Variants in FBXO38 observed in about 807,000 individuals in gnomAD.
FBXO38 encodes F-box only protein 38.
A neutral mutation model predicts 131.9 loss-of-function variants in FBXO38; 53 were observed. That is an observed-to-expected ratio of 0.40 (90% CI 0.32 to 0.51). The LOEUF (loss-of-function observed/expected upper bound fraction) is 0.51, where lower values mean the gene tolerates loss of function less well. Ranked by LOEUF, FBXO38 falls within the 20% of genes least tolerant of loss-of-function variation. FBXO38 has a pLI of 0.53. For missense variants in FBXO38, 1,076 were observed against 1,475.6 expected, an observed-to-expected ratio of 0.73 and a Z score of 4.44; for synonymous variants, 452 against 505.6, an observed-to-expected ratio of 0.89 and a Z score of 1.42.
chr5:148,434,112 T>C (rs1299802387), intron 17 of FBXO38: 1 of 158,612 alleles, frequency 6.3e-6, no homozygotes, highest in Non-Finnish European at 1.4e-5. Flanking sequence ...GGGCCTCAAG[T>C]GTATAACTGC....
At chr5:148,399,994 GA>G (rs1752051762) in intron 3 of FBXO38, among the ~76,000 whole-genome samples, 1 of 151,864 alleles carries the variant, frequency 6.6e-6, no homozygotes, top group Non-Finnish European at 1.5e-5. Context: ...CTGTTCTATA[GA>G]ACAGAACAGA....
chr5:148,437,053 C>G (rs1003715843), intron 17 of FBXO38, among the ~76,000 whole-genome samples: 2 of 152,234 alleles, frequency 1.3e-5, no homozygotes, highest in African/African-American at 2.4e-5. Context: ...CGTTCCATTC[C>G]TTTCTCTACT....
In FBXO38 at chr5:148,442,153, C is replaced by T. The variant is rs1437320143; in HGVS notation, c.*6C>T. On this transcript the variant is annotated 3_prime_UTR_variant, in exon 22 of 22. Transcript: ENST00000340253. ...TTGAAGATGACTACATTTAATTGGT[C>T]CCTCCTCCTTTCCAGCTATTTTGTC... is the stretch of plus-strand genomic sequence containing the variant. 1 of 1,611,942 alleles carries T rather than the reference C, an allele frequency of 6.2e-7. No individual in the cohort carries two copies. The highest frequency in any genetic ancestry group is 1.1e-5 in the South Asian group (1 of 90,824).
chr5:148,433,541 C>T lies in FBXO38; in HGVS notation c.2754+17C>T. 6.3e-7 allele frequency: 1 copy of T among 1,589,600 alleles called. No individual in the cohort carries two copies. Among genetic ancestry groups the T allele is most frequent in the South Asian group, 1.1e-5 (1 of 89,908 alleles). ...CATGTGCAGGTAGAGAAAAAACCCT[C>T]ACTTACCTTTATCACAGTCTAGCCC... On this transcript the variant is annotated intron_variant, in intron 16 of 21. Transcript: ENST00000340253.
At chr5:148,408,967 AT>A (rs2113557436) in intron 7 of FBXO38, among the ~76,000 whole-genome samples, 156 bp from the exon 8 acceptor site, 1 of 152,338 alleles carries the variant, frequency 6.6e-6, no homozygotes, top group African/African-American at 2.4e-5. Context: ...AGTAGTTATA[AT>A]TCATCTTAAG....
intron 1 of FBXO38, among the ~76,000 whole-genome samples, chr5:148,386,525 C>T (rs1329789295): frequency 2.0e-5 from 3 of 151,984 alleles, no homozygotes; most frequent in Non-Finnish European, 2.9e-5. Flanking sequence ...GGGTTTGTGA[C>T]CCACAAAAAA....
Position 148,394,786 on chromosome 5 carries a change from C to A in FBXO38, c.10C>A (p.Arg4=). The change falls in exon 2 of 22, where the codon CGA becomes AGA. Residue 4 remains arginine (R), a synonymous_variant. Coordinates refer to ENST00000340253, the MANE Select transcript of FBXO38 (RefSeq NM_205836.3). The stretch of plus-strand genomic sequence containing the variant: ...TGGAGACTGCACAACAATGGGGCCA[C>A]GAAAGAAAAGTGTGAAAACATGTAT... MGP[R]KKSVKTCIMN... is the part of the protein sequence containing the mutation. The A allele has an allele frequency of 1.9e-6, 3 of 1,568,342 alleles. No homozygotes were observed. Among genetic ancestry groups the A allele is most frequent in the East Asian group, 2.4e-5 (1 of 41,938 alleles).
At chr5:148,414,701 A>C (rs1752954935) in intron 10 of FBXO38, among the ~76,000 whole-genome samples, 1 of 152,158 alleles carries the variant, frequency 6.6e-6, no homozygotes, top group Non-Finnish European at 1.5e-5. Context: ...GTTGAACTTT[A>C]ATTAAGTGAC....
chr5:148,415,103 A>C (rs1354406514), intron 10 of FBXO38, among the ~76,000 whole-genome samples: 1 of 152,196 alleles, frequency 6.6e-6, no homozygotes, highest in African/African-American at 2.4e-5. Flanking sequence ...ATGTGCCAGC[A>C]GCAGTTAAAT....
chr5:148,406,415 C>A, intron 7 of FBXO38, 21 bp downstream of exon 7: 1 of 1,514,068 alleles, frequency 6.6e-7, no homozygotes, highest in Non-Finnish European at 8.9e-7. Context: ...TCTTTAATTA[C>A]TAAATATTTT....
At position 148,402,431 on chromosome 5, in the gene FBXO38, T is replaced by C. The variant is rs760368532; in HGVS notation, c.510T>C (p.Asn170=). The C allele has an allele frequency of 4.7e-5, 76 of 1,613,316 alleles. No homozygotes were observed. In the South Asian group the frequency reaches 8.1e-4, roughly 17 times the overall value. The change falls in exon 5 of 22, where the codon AAT becomes AAC. Residue 170 remains asparagine (N), a synonymous_variant. Coordinates refer to ENST00000340253, the MANE Select transcript of FBXO38 (RefSeq NM_205836.3). The part of the protein sequence containing the change: ...PHVHILGKFR[N]RNGAFPIPPE... ...TTCATATTTTGGGGAAATTTCGTAA[T>C]CGTAATGGAGCTTTTCCAATTCCTC...
intron 12 of FBXO38, 122 bp from the exon 13 acceptor site, chr5:148,423,876 C>A: frequency 3.8e-6 from 3 of 784,684 alleles, no homozygotes; most frequent in Non-Finnish European, 6.0e-6. Flanking sequence ...ATATGCTGTT[C>A]TTTCAGGGCA....
chr5:148,438,196 A>T lies in FBXO38; in HGVS notation c.2858-136A>T, dbSNP rs1754461204. On this transcript the variant is annotated intron_variant, in intron 17 of 21. Coordinates refer to ENST00000340253, the MANE Select transcript of FBXO38 (RefSeq NM_205836.3). ...ACCACATTTTCAAATTTTTTTGTTAACTGTGATTTGTACTCTATGATATTA... is the reference window on the plus strand; with the variant it reads ...ACCACATTTTCAAATTTTTTTGTTATCTGTGATTTGTACTCTATGATATTA... The T allele has an allele frequency of 4.4e-6, 3 of 688,856 alleles. No homozygotes were observed. The African/African-American group carries it at 5.6e-5, about 13-fold the overall frequency. 42.7% of individuals were successfully genotyped at this position (688,856 alleles called of 1,614,324 possible).
chr5:148,429,074 GA>G (rs1440985876), intron 15 of FBXO38, among the ~76,000 whole-genome samples: 2 of 152,086 alleles, frequency 1.3e-5, no homozygotes, highest in Non-Finnish European at 2.9e-5. Flanking sequence ...CCAACCATCT[GA>G]ACTTTTTCAT....
At chr5:148,400,855 G>T (rs189336544) in intron 3 of FBXO38, among the ~76,000 whole-genome samples, 2 of 152,030 alleles carry the variant, frequency 1.3e-5, no homozygotes, top group African/African-American at 2.4e-5. Context: ...GCTTGTATAT[G>T]GGGTGATAAC....
At chr5:148,410,469 C>A in intron 8 of FBXO38, 166 bp from the exon 9 acceptor site, 1 of 787,170 alleles carries the variant, frequency 1.3e-6, no homozygotes, top group Non-Finnish European at 2.0e-6. Flanking sequence ...GTGAGGCCTC[C>A]CCAGCCATGT....
intron 1 of FBXO38, chr5:148,384,974 G>T (rs1181754760): frequency 6.6e-6 from 1 of 152,130 alleles, no homozygotes; most frequent in Non-Finnish European, 1.5e-5. Flanking sequence ...TTTTTTATCT[G>T]CTAAAGGAAG....
At chr5:148,441,832 C>A in intron 21 of FBXO38, 137 bp from the exon 22 acceptor site, 1 of 592,590 alleles carries the variant, frequency 1.7e-6, no homozygotes, top group Non-Finnish European at 2.7e-6. Context: ...CTGGTGGTGA[C>A]CCATTCCTTG....
At chr5:148,392,581 TTGTGTGTGTGTGTGTGTG>T (rs55667300) in intron 1 of FBXO38, among the ~76,000 whole-genome samples, 1 of 141,850 alleles carries the variant, frequency 7.0e-6, no homozygotes, top group Non-Finnish European at 1.5e-5. Flanking sequence ...TTGCTTTTCT[TTGTGTGTGTGTGTGTGTG>T]TGTGTGTGTG....
Sources: gnomAD v4.1 joint callset for allele counts (sites outside exome capture counted in the v4.1 genomes callset) on GRCh38, gnomAD v4.1.1 for gene constraint, MANE v1.5 for transcripts, NCBI Gene and HGNC (gene_info 2026-07-23, HGNC 2026-07-21) for gene names.